The following TENM4 variants were observed in gnomAD, a reference collection of about 807,000 sequenced individuals.
TENM4 encodes teneurin-4.
In TENM4, 82 loss-of-function variants were observed where a neutral mutation model predicts 243.3. That is an observed-to-expected ratio of 0.34 (90% CI 0.28 to 0.40). The LOEUF (loss-of-function observed/expected upper bound fraction) is 0.40. Ranked by LOEUF, TENM4 falls within the 10% of genes least tolerant of loss-of-function variation. TENM4 has a pLI of 1.00. For missense variants in TENM4, 3,138 were observed against 3,673.3 expected (o/e 0.85, Z 3.77); for synonymous variants, 1,412 against 1,456.3 (o/e 0.97, Z 0.69).
intron 2 of TENM4, among the ~76,000 whole-genome samples, chr11:79,265,489 G>A (rs1227174116): frequency 1.5e-4 from 23 of 152,088 alleles, no homozygotes; most frequent in Non-Finnish European, 4.4e-5. Context: ...ATTACATGTC[G>A]AAATGATATT....
At position 79,348,398 on chromosome 11, in the gene TENM4, C is replaced by T. The variant is rs763009294; in HGVS notation, c.-320-50855G>A. Among the ~76,000 whole-genome samples the T allele has an allele frequency of 2.0e-5, 3 of 152,262 alleles. No individual in the cohort carries two copies. In the South Asian group the frequency reaches 6.2e-4, roughly 32 times the overall value. ...GTATCCCATACCAAAACACAGGGAT[C>T]ATACAAGATGCCTCAGAGTCAAAAT... On this transcript the variant is annotated intron_variant, in intron 1 of 33. Coordinates refer to ENST00000278550, the MANE Select transcript of TENM4 (RefSeq NM_001098816.3).
chr11:78,749,666 T>C (rs1425690201), intron 19 of TENM4, among the ~76,000 whole-genome samples: 3 of 152,244 alleles, frequency 2.0e-5, no homozygotes, highest in East Asian at 1.9e-4. Flanking sequence ...TGGTCATTTC[T>C]CTTTTCCATC....
intron 6 of TENM4, among the ~76,000 whole-genome samples, chr11:78,982,619 T>G (rs761938365): frequency 1.3e-5 from 2 of 152,146 alleles, no homozygotes; most frequent in Non-Finnish European, 2.9e-5. Flanking sequence ...CACTGGAAAG[T>G]TGTTCCTCTT....
intron 2 of TENM4, among the ~76,000 whole-genome samples, chr11:79,254,996 C>T (rs767275167): frequency 5.9e-5 from 9 of 152,070 alleles, no homozygotes; most frequent in Admixed American, 4.6e-4. Context: ...TCTGGAAGGG[C>T]GTCATATGCC....
At chr11:79,358,227 A>G (rs1339500412) in intron 1 of TENM4, among the ~76,000 whole-genome samples, 6 of 152,178 alleles carry the variant, frequency 3.9e-5, no homozygotes, top group Admixed American at 3.9e-4. Context: ...CCCCTTCCCC[A>G]AACATAGGAT....
intron 12 of TENM4, among the ~76,000 whole-genome samples, chr11:78,848,310 A>G (rs1858451283): frequency 6.6e-6 from 1 of 152,130 alleles, no homozygotes; most frequent in Non-Finnish European, 1.5e-5. Flanking sequence ...CCTAATACTT[A>G]AAGAATAAAC....
intron 1 of TENM4, among the ~76,000 whole-genome samples, chr11:79,352,386 G>T (rs1857428597): frequency 6.6e-6 from 1 of 152,190 alleles, no homozygotes; most frequent in African/African-American, 2.4e-5. Flanking sequence ...AGAGGCTTTG[G>T]GTTCCCATGG....
At chr11:79,118,803 T>C (rs1861675281) in intron 4 of TENM4, among the ~76,000 whole-genome samples, 2 of 152,382 alleles carry the variant, frequency 1.3e-5, no homozygotes, top group South Asian at 4.1e-4. Flanking sequence ...TCCATTCATC[T>C]GCCAATGGAT....
intron 6 of TENM4, among the ~76,000 whole-genome samples, chr11:78,968,068 T>A (rs1026778862): frequency 1.3e-5 from 2 of 152,210 alleles, no homozygotes; most frequent in Admixed American, 6.5e-5. Context: ...ATGAATCAGT[T>A]CTTGCTCTGT....
chr11:79,259,388 A>G (rs1158329031), intron 2 of TENM4, among the ~76,000 whole-genome samples: 1 of 152,206 alleles, frequency 6.6e-6, no homozygotes, highest in Non-Finnish European at 1.5e-5. Flanking sequence ...TTGGACATAC[A>G]TCAATGAAAA....
intron 3 of TENM4, among the ~76,000 whole-genome samples, chr11:79,172,234 T>A (rs759328884): frequency 1.3e-5 from 2 of 152,126 alleles, no homozygotes; most frequent in Admixed American, 1.3e-4. Context: ...ATCACAGGCA[T>A]GAGTCAATGC....
intron 6 of TENM4, among the ~76,000 whole-genome samples, chr11:78,945,142 C>T (rs897489766): frequency 2.0e-5 from 3 of 152,212 alleles, no homozygotes; most frequent in African/African-American, 7.2e-5. Context: ...TTTCACTTTG[C>T]TGTAGCGCAT....
chr11:79,319,190 G>A (rs575700675), intron 1 of TENM4, among the ~76,000 whole-genome samples: 6 of 152,298 alleles, frequency 3.9e-5, no homozygotes, highest in African/African-American at 9.6e-5. Context: ...CAGTGTTCTC[G>A]AAATGTTTGA....
At chr11:79,138,554 T>TGC (rs1862169165) in intron 4 of TENM4, among the ~76,000 whole-genome samples, 2 of 36,018 alleles carry the variant, frequency 5.6e-5, no homozygotes, top group Admixed American at 6.7e-4. Flanking sequence ...ATTATATTTA[T>TGC]ATAAATACAT....
At chr11:78,776,139 T>C (rs1176947388) in intron 17 of TENM4, among the ~76,000 whole-genome samples, 3 of 152,216 alleles carry the variant, frequency 2.0e-5, no homozygotes, top group African/African-American at 7.2e-5. Flanking sequence ...ATCGGTCTTC[T>C]TGTTCTCAAT....
At chr11:78,914,315 G>A (rs931351509) in intron 6 of TENM4, among the ~76,000 whole-genome samples, 9 of 152,140 alleles carry the variant, frequency 5.9e-5, no homozygotes, top group African/African-American at 7.2e-5. Flanking sequence ...AGGAAATAGC[G>A]AGAATACTAC....
intron 1 of TENM4, among the ~76,000 whole-genome samples, chr11:79,319,535 A>T (rs1426283952): frequency 2.6e-5 from 4 of 152,144 alleles, no homozygotes; most frequent in African/African-American, 9.7e-5. Context: ...TATAAAGTCA[A>T]GTATGTGCAA....
At position 78,940,013 on chromosome 11, in the gene TENM4, A is replaced by G. The variant is rs114374766; in HGVS notation, c.494-36490T>C. Reference sequence around the variant, plus strand: ...ATAGAAGAAAAAAGTACAAAGGAAAAAAATGTATAAAAGAAAAAAGTACAA... The same window carrying G: ...ATAGAAGAAAAAAGTACAAAGGAAAGAAATGTATAAAAGAAAAAAGTACAA... On this transcript the variant is annotated intron_variant, in intron 6 of 33. Coordinates refer to ENST00000278550, the MANE Select transcript of TENM4 (RefSeq NM_001098816.3). Among the ~76,000 whole-genome samples, 1,043 of 152,254 alleles carry G rather than the reference A, an allele frequency of 6.9e-3. 13 individuals carry two copies. Among genetic ancestry groups the G allele is most frequent in the African/African-American group, 0.023 (976 of 41,554 alleles).
intron 2 of TENM4, among the ~76,000 whole-genome samples, chr11:79,230,114 C>T (rs565910919): frequency 1.3e-5 from 2 of 151,316 alleles, no homozygotes; most frequent in Middle Eastern, 3.4e-3. Flanking sequence ...ATGAACTTCT[C>T]GAGGAAGGAC....
Sources: allele counts gnomAD v4.1 joint callset (sites outside exome capture counted in the v4.1 genomes callset), GRCh38; gene constraint gnomAD v4.1.1; transcripts MANE v1.5; gene names NCBI Gene and HGNC (gene_info 2026-07-23, HGNC 2026-07-21).